Variants in PDPK1 observed in about 807,000 individuals in gnomAD.
PDPK1 encodes the protein 3-phosphoinositide-dependent protein kinase 1.
In PDPK1, 7 loss-of-function variants were observed where a neutral mutation model predicts 39.8. That is an observed-to-expected ratio of 0.18 (90% CI 0.10 to 0.33). The LOEUF is 0.33. PDPK1 is among the 10% of genes least tolerant of loss of function. The pLI is 1.00. For synonymous variants in PDPK1, 118 were observed against 159.1 expected, an observed-to-expected ratio of 0.74 and a Z score of 1.95; for missense variants, 182 against 384.7, an observed-to-expected ratio of 0.47 and a Z score of 4.41.
chr16:2,551,922 T>A (rs1412640399), intron 1 of PDPK1, among the ~76,000 whole-genome samples: 1 of 151,330 alleles, frequency 6.6e-6, no homozygotes, highest in Non-Finnish European at 1.5e-5. Flanking sequence ...TGCCTCGGCC[T>A]CCCAAAGTGC....
chr16:2,593,183 G>T lies in PDPK1; in HGVS notation c.1344-2610G>T. 1 of 428,712 alleles carries T rather than the reference G, an allele frequency of 2.3e-6. No homozygotes were observed. The highest frequency in any genetic ancestry group is 7.1e-5 in the East Asian group (1 of 14,142). The allele number at this position is 428,712 out of a possible 1,614,324, so 26.6% of individuals were successfully genotyped here. A position where few individuals can be genotyped will look rare whatever the true frequency, so the allele number is the denominator to read the frequency against. On this transcript the variant is annotated intron_variant, in intron 11 of 13. Coordinates refer to ENST00000342085, the MANE Select transcript of PDPK1 (RefSeq NM_002613.5). This position sits in a 1 kb window ranked among gnomAD's most constrained non-coding sequence, Gnocchi z 4.2. ...CATGCCCAGATGATCAGGGTGGAGC[G>T]GCCCAGCTCAATGTCTTCATTTAGG...
rs966963577 is a variant in PDPK1 at position 2,597,196 on chromosome 16, A to G, written c.1475A>G (p.Lys492Arg). The change falls in exon 13 of 14, where the codon AAA becomes AGA. Residue 492 changes from lysine to arginine, a missense_variant. Physicochemically the swap from Lys to Arg is conservative, Grantham distance 26 (BLOSUM62 2). Coordinates refer to ENST00000342085, the MANE Select transcript of PDPK1 (RefSeq NM_002613.5). The surrounding 1 kb of genome is among the most constrained non-coding windows in gnomAD (Gnocchi z 6.3). Reference sequence around the variant, plus strand: ...TTATATTATGTGGATCCTGTCAACAAAGTTCTGAAAGGTGAAATTCCTTGG... The same window carrying G: ...TTATATTATGTGGATCCTGTCAACAGAGTTCTGAAAGGTGAAATTCCTTGG... Reference protein sequence around the residue: ...PHLYYVDPVNKVLKGEIPWSQ... With the variant: ...PHLYYVDPVNRVLKGEIPWSQ... 1 of 1,594,400 alleles carries G rather than the reference A, an allele frequency of 6.3e-7. No homozygotes were observed. Among genetic ancestry groups the G allele is most frequent in the Non-Finnish European group, 8.6e-7 (1 of 1,163,824 alleles).
chr16:2,593,446 G>C lies in PDPK1; in HGVS notation c.1344-2347G>C. ...CTTTCCGTGGCTCCCACAGCTCAGT[G>C]CTGGGCTGCTGTTCTCGCTCTCAGC... is the stretch of plus-strand genomic sequence containing the variant. On this transcript the variant is annotated intron_variant, in intron 11 of 13. Coordinates refer to ENST00000342085, the MANE Select transcript of PDPK1 (RefSeq NM_002613.5). The surrounding 1 kb of genome is among the most constrained non-coding windows in gnomAD (Gnocchi z 4.2). 3.8e-6 allele frequency: 1 copy of C among 264,910 alleles called. No individual in the cohort carries two copies. Among genetic ancestry groups the C allele is most frequent in the Non-Finnish European group, 7.4e-6 (1 of 135,506 alleles). 16.4% of individuals were successfully genotyped at this position (264,910 alleles called of 1,614,324 possible).
chr16:2,578,302 T>C lies in PDPK1; in HGVS notation c.785+802T>C, dbSNP rs539917492. The C allele has an allele frequency of 1.1e-4, 17 of 148,232 alleles. No homozygotes were observed. The South Asian group carries it at 1.3e-3, about 11-fold the overall frequency. 9.2% of individuals were successfully genotyped at this position (148,232 alleles called of 1,614,324 possible). ...AGCTGGGTCTTGGTGGCAGCCTCCATAGTGAAAAAATGAAAAAAGTGCAGA... is the reference window on the plus strand; with the variant it reads ...AGCTGGGTCTTGGTGGCAGCCTCCACAGTGAAAAAATGAAAAAAGTGCAGA... On this transcript the variant is annotated intron_variant, in intron 7 of 13. Transcript: ENST00000342085.
At chr16:2,579,524 C>CA (rs2141984970) in intron 7 of PDPK1, 1 of 125,828 alleles carries the variant, frequency 7.9e-6, no homozygotes, top group South Asian at 3.1e-4. Context: ...GAGGGATAGA[C>CA]ACTGAACGGA....
chr16:2,546,954 C>T (rs1464721567), intron 1 of PDPK1, among the ~76,000 whole-genome samples: 6 of 150,672 alleles, frequency 4.0e-5, no homozygotes, highest in African/African-American at 7.4e-5. Flanking sequence ...AGTGAGAGCT[C>T]TCCGACCTCG....
At position 2,597,758 on chromosome 16, in the gene PDPK1, T is replaced by G; in HGVS notation, c.1662T>G (p.Ala554=). Residue 554 remains alanine (A), a synonymous_variant, in exon 14 of 14, where the codon GCT becomes GCG. Transcript: ENST00000342085. This position sits in a 1 kb window ranked among gnomAD's most constrained non-coding sequence, Gnocchi z 6.3. The part of the protein sequence containing the change: ...RQRYQSHPDA[A]VQ ...GATACCAGAGCCACCCGGACGCCGC[T>G]GTGCAGTGACGTGGCCTGCGGCCGG... The G allele has an allele frequency of 6.2e-7, 1 of 1,610,050 alleles. No homozygotes were observed. The highest frequency in any genetic ancestry group is 1.1e-5 in the South Asian group (1 of 90,980).
intron 1 of PDPK1, among the ~76,000 whole-genome samples, chr16:2,546,140 G>A (rs2066340485): frequency 6.6e-6 from 1 of 152,096 alleles, no homozygotes; most frequent in African/African-American, 2.4e-5. Context: ...CTGGAGTGCA[G>A]TGGCGCGATC....
rs2066725387 is a variant in PDPK1, at chr16:2,577,096, A to G, written c.710-329A>G. On this transcript the variant is annotated intron_variant, in intron 6 of 13. Transcript: ENST00000342085. ...GCAACTGTTTATTGTGTGCCTAGGC[A>G]CGTTTGGATACCCCAGGTCCTGCAG... The G allele has an allele frequency of 4.0e-6, 2 of 495,756 alleles. 1 individual carries two copies. Among genetic ancestry groups the G allele is most frequent in the African/African-American group, 4.3e-5 (2 of 46,964 alleles). 30.7% of individuals were successfully genotyped at this position (495,756 alleles called of 1,614,324 possible).
At chr16:2,586,393 A>G (rs756842227) in intron 10 of PDPK1, among the ~76,000 whole-genome samples, 2 of 152,218 alleles carry the variant, frequency 1.3e-5, no homozygotes, top group Non-Finnish European at 2.9e-5. Context: ...CCCGCAGGGT[A>G]AGGGCCCAGG....
chr16:2,545,925 C>A (rs1485781288), intron 1 of PDPK1, among the ~76,000 whole-genome samples: 4 of 152,174 alleles, frequency 2.6e-5, no homozygotes, highest in Admixed American at 2.6e-4. Context: ...GCATGAGCTA[C>A]AGCAACCTGG....
intron 1 of PDPK1, among the ~76,000 whole-genome samples, chr16:2,544,163 A>T (rs1209889368): frequency 6.6e-6 from 1 of 151,982 alleles, no homozygotes; most frequent in Non-Finnish European, 1.5e-5. Context: ...TGTGGAGTCA[A>T]CCTATGGTTG....
In PDPK1 at chr16:2,601,025, A is replaced by G; in HGVS notation, c.*3258A>G. The G allele has an allele frequency of 4.3e-6, 1 of 231,768 alleles. No individual in the cohort carries two copies. The highest frequency in any genetic ancestry group is 8.5e-6 in the Non-Finnish European group (1 of 117,846). The allele number at this position is 231,768 out of a possible 1,614,324, so 14.4% of individuals were successfully genotyped here. ...CTATAATTTATCTGACCATTTCCCT[A>G]CTGTAAAATACTTAAGACGGTTTCT... On this transcript the variant is annotated 3_prime_UTR_variant, in exon 14 of 14. Coordinates refer to ENST00000342085, the MANE Select transcript of PDPK1 (RefSeq NM_002613.5).
intron 10 of PDPK1, among the ~76,000 whole-genome samples, chr16:2,585,729 G>T (rs2066858090): frequency 6.6e-6 from 1 of 152,250 alleles, no homozygotes; most frequent in Non-Finnish European, 1.5e-5. Context: ...CCTTGCTCCA[G>T]CCCAGCTGGG....
At chr16:2,577,840 G>A (rs1435715156) in intron 7 of PDPK1, among the ~76,000 whole-genome samples, 4 of 149,334 alleles carry the variant, frequency 2.7e-5, no homozygotes, top group Non-Finnish European at 5.9e-5. Context: ...CCGGGTTCAA[G>A]CAATTCTCCT....
chr16:2,584,871 G>A (rs991279802), intron 10 of PDPK1, among the ~76,000 whole-genome samples: 1 of 152,220 alleles, frequency 6.6e-6, no homozygotes, highest in South Asian at 2.1e-4. Context: ...AGAGGCCTGG[G>A]AGCCTCGAGG....
intron 1 of PDPK1, among the ~76,000 whole-genome samples, chr16:2,547,220 C>G (rs1263163817): frequency 9.4e-5 from 14 of 148,682 alleles, no homozygotes; most frequent in Admixed American, 9.2e-4. Flanking sequence ...CATTTCCCCC[C>G]ATGTGGACCT....
chr16:2,577,743 G>GT (rs1165344554), intron 7 of PDPK1, among the ~76,000 whole-genome samples: 2 of 148,532 alleles, frequency 1.3e-5, no homozygotes, highest in Admixed American at 6.6e-5. Context: ...TTTTGTTTTT[G>GT]TTTTTTTGTT....
rs1333737986 is a variant in PDPK1, at chr16:2,597,775, T to G, written c.*8T>G. On this transcript the variant is annotated 3_prime_UTR_variant, in exon 14 of 14. Coordinates refer to ENST00000342085, the MANE Select transcript of PDPK1 (RefSeq NM_002613.5). The surrounding 1 kb of genome is among the most constrained non-coding windows in gnomAD (Gnocchi z 6.3). Reference sequence around the variant, plus strand: ...GACGCCGCTGTGCAGTGACGTGGCCTGCGGCCGGGCTGCCCTTCGCTGCCA... The same window carrying G: ...GACGCCGCTGTGCAGTGACGTGGCCGGCGGCCGGGCTGCCCTTCGCTGCCA... 6.3e-7 allele frequency: 1 copy of G among 1,593,640 alleles called. No homozygotes were observed. The highest frequency in any genetic ancestry group is 1.1e-5 in the South Asian group (1 of 90,544).
Sources: gnomAD v4.1 joint callset for allele counts (sites outside exome capture counted in the v4.1 genomes callset) on GRCh38, gnomAD v4.1.1 for gene constraint, Gnocchi (gnomAD v3.1) non-coding constraint, MANE v1.5 for transcripts, NCBI Gene and HGNC (gene_info 2026-07-23, HGNC 2026-07-21) for gene names.